The following ARMCX4 variants were observed in gnomAD, a reference collection of about 807,000 sequenced individuals.
ARMCX4 encodes the protein armadillo repeat-containing X-linked protein 4.
ARMCX4 carries 3 observed loss-of-function variants against 34.7 expected under a neutral mutation model. The ratio of observed to expected loss-of-function variants is 0.09; its 90% CI spans 0.04 to 0.22. The LOEUF is 0.22. ARMCX4 is among the 10% of genes least tolerant of loss of function. ARMCX4 has a pLI of 1.00. For missense variants in ARMCX4, 1,448 were observed against 1,720.8 expected (o/e 0.84, Z 2.81); for synonymous variants, 513 against 632.8 (o/e 0.81, Z 2.84).
At chrX:101,500,465 G>A (rs370571425), downstream of ARMCX4, among the ~76,000 whole-genome samples, 4 of 111,100 alleles carry the variant, frequency 3.6e-5, no homozygotes, top group South Asian at 1.5e-3. Context: ...AATTATTGCC[G>A]CCTTTGAAGA....
chrX:101,433,364 A>G (rs1301731527), intron 2 of ARMCX4, among the ~76,000 whole-genome samples: 3 of 109,866 alleles, frequency 2.7e-5, no homozygotes, highest in East Asian at 2.8e-4. Context: ...ATACTTACAT[A>G]TAAACATATG....
chrX:101,429,520 G>T (rs1717511303), intron 2 of ARMCX4, among the ~76,000 whole-genome samples: 1 of 109,664 alleles, frequency 9.1e-6, no homozygotes, highest in Non-Finnish European at 1.9e-5. Context: ...ATTTTTAGTA[G>T]AGATGGGGTT....
intron 11 of ARMCX4, among the ~76,000 whole-genome samples, chrX:101,515,853 A>G (rs1934735588): frequency 9.1e-6 from 1 of 110,371 alleles, no homozygotes; most frequent in Non-Finnish European, 1.9e-5. Context: ...TGTTTTGTGT[A>G]TTTCTACTGC....
At chrX:101,434,918 G>A (rs1310148202) in intron 2 of ARMCX4, among the ~76,000 whole-genome samples, 8 of 109,832 alleles carry the variant, frequency 7.3e-5, no homozygotes, top group African/African-American at 2.7e-4. Flanking sequence ...ATAGTTTGCT[G>A]AGAATGATGG....
At chrX:101,534,944 T>C (rs1233000743), downstream of ARMCX4, among the ~76,000 whole-genome samples, 1 of 111,947 alleles carries the variant, frequency 8.9e-6, no homozygotes, top group Non-Finnish European at 1.9e-5. Context: ...TAAAAACAAT[T>C]GGCATGGCAC....
intron 4 of ARMCX4, among the ~76,000 whole-genome samples, chrX:101,457,523 A>C (rs1334941821): frequency 9.0e-6 from 1 of 111,105 alleles, no homozygotes; most frequent in Non-Finnish European, 1.9e-5. Context: ...CAGGAGTTTG[A>C]GACCAGCCTG....
chrX:101,481,448 G>T (rs1933445894), upstream of ARMCX4, among the ~76,000 whole-genome samples: 1 of 112,083 alleles, frequency 8.9e-6, no homozygotes, highest in South Asian at 3.7e-4. Context: ...TATGATGTTT[G>T]GTAGGTTGGA....
intron 2 of ARMCX4, among the ~76,000 whole-genome samples, chrX:101,440,901 T>C (rs962152694): frequency 9.0e-5 from 10 of 111,322 alleles, no homozygotes; most frequent in Non-Finnish European, 1.9e-4. Flanking sequence ...GAAAGGGAAT[T>C]CCCTGACCCC....
chrX:101,454,725 T>C (rs1200164885), intron 4 of ARMCX4, among the ~76,000 whole-genome samples: 1 of 111,496 alleles, frequency 9.0e-6, no homozygotes, highest in Admixed American at 9.5e-5. Flanking sequence ...CCAAAGTAAA[T>C]GTCTTTGTCA....
At chrX:101,501,879 G>A (rs782218932) in intron 7 of ARMCX4, among the ~76,000 whole-genome samples, 32 of 111,425 alleles carry the variant, frequency 2.9e-4, no homozygotes, top group Admixed American at 2.5e-3. Flanking sequence ...TGATGAGCAG[G>A]GCCATTACCA....
At chrX:101,431,813 G>C (rs1011655402) in intron 2 of ARMCX4, among the ~76,000 whole-genome samples, 1 of 112,530 alleles carries the variant, frequency 8.9e-6, no homozygotes. Context: ...AAAGTGCTGG[G>C]ATTATAGGCG....
intron 11 of ARMCX4, among the ~76,000 whole-genome samples, chrX:101,513,623 A>G (rs944340914): frequency 8.0e-5 from 9 of 111,882 alleles, no homozygotes; most frequent in African/African-American, 2.9e-4. Flanking sequence ...AATACACATG[A>G]CAATTACAGT....
chrX:101,514,047 G>A (rs1254120096), intron 11 of ARMCX4, among the ~76,000 whole-genome samples: 2 of 111,312 alleles, frequency 1.8e-5, no homozygotes, highest in Non-Finnish European at 3.8e-5. Flanking sequence ...AATAACCCCA[G>A]CTAGTACAGC....
chrX:101,495,134 A>G lies in ARMCX4; in HGVS notation c.6545A>G (p.His2182Arg). ...LTVGSGETKD[H>R]VLGMLLNFSK... ...GTGGGAAGTGGAGAAACTAAAGACCATGTTTTGGGAATGCTTTTGAATTTC... is the reference window on the plus strand; with the variant it reads ...GTGGGAAGTGGAGAAACTAAAGACCGTGTTTTGGGAATGCTTTTGAATTTC... The change falls in exon 6 of 6, where the codon CAT becomes CGT. Residue 2182 changes from histidine (H) to arginine (R), a missense_variant. Coordinates refer to ENST00000423738, the MANE Select transcript of ARMCX4 (RefSeq NM_001256155.3). The G allele has an allele frequency of 8.7e-7, 1 of 1,155,848 alleles. No homozygotes were observed. Among genetic ancestry groups the G allele is most frequent in the South Asian group, 1.9e-5 (1 of 52,731 alleles).
intron 4 of ARMCX4, among the ~76,000 whole-genome samples, chrX:101,475,857 A>G (rs1220335622): frequency 5.4e-5 from 6 of 110,546 alleles, no homozygotes; most frequent in African/African-American, 2.0e-4. Flanking sequence ...AATGCAAAAT[A>G]GTATATATAT....
chrX:101,458,553 C>G (rs1280693641), intron 4 of ARMCX4, among the ~76,000 whole-genome samples: 2 of 103,235 alleles, frequency 1.9e-5, no homozygotes, highest in East Asian at 6.5e-4. Context: ...ATGGCATGAT[C>G]TCGACTCACT....
At chrX:101,481,239 G>A (rs1933435929), upstream of ARMCX4, among the ~76,000 whole-genome samples, 1 of 112,448 alleles carries the variant, frequency 8.9e-6, no homozygotes. Flanking sequence ...ACTTTAATTG[G>A]TGGTGCAAAA....
intron 3 of ARMCX4, among the ~76,000 whole-genome samples, chrX:101,445,211 A>G (rs1056933618): frequency 1.6e-4 from 18 of 111,743 alleles, no homozygotes; most frequent in African/African-American, 5.9e-4. Context: ...AGTATCTCCA[A>G]CCCCAGCCAA....
In ARMCX4 at chrX:101,425,586, G is replaced by T. The variant is rs1329570267; in HGVS notation, n.164+6586G>T. On this transcript the variant is annotated intron_variant and non_coding_transcript_variant, in intron 2 of 3. Transcript: ENST00000430461. ...TTTTTTGTATTTTTAGTAGAAACGG[G>T]GTTTCACCATGTTAGCCAGGCTGGT... 2.7e-5 allele frequency among the ~76,000 whole-genome samples: 3 copies of T among 109,631 alleles called. No individual in the cohort carries two copies. The East Asian group carries it at 8.7e-4, about 32-fold the overall frequency.
Sources: allele counts gnomAD v4.1 joint callset (sites outside exome capture counted in the v4.1 genomes callset), GRCh38; gene constraint gnomAD v4.1.1; transcripts MANE v1.5; gene names NCBI Gene and HGNC (gene_info 2026-07-23, HGNC 2026-07-21).